CD86: variants seen among roughly 807,000 people sequenced by gnomAD.
The protein encoded by CD86 is CD86 molecule, also known as T-lymphocyte activation antigen CD86.
A neutral mutation model predicts 32.1 loss-of-function variants in CD86; 11 were observed. That is an observed-to-expected ratio of 0.34 (90% confidence interval 0.22 to 0.57). The LOEUF (loss-of-function observed/expected upper bound fraction) is 0.57. CD86 is among the 20% of genes least tolerant of loss of function. CD86 has a pLI of 0.86. For synonymous variants in CD86, 137 were observed against 135.3 expected (o/e 1.01, Z -0.09); for missense variants, 359 against 398.4 (o/e 0.90, Z 0.84).
intron 1 of CD86, among the ~76,000 whole-genome samples, chr3:122,075,679 T>A (rs1236680662): frequency 6.6e-6 from 1 of 152,140 alleles, no homozygotes; most frequent in Non-Finnish European, 1.5e-5. Context: ...CTAGCTAAGT[T>A]GGAGAATAAG....
At chr3:122,072,058 C>T (rs972250634) in intron 1 of CD86, among the ~76,000 whole-genome samples, 51 of 151,364 alleles carry the variant, frequency 3.4e-4, no homozygotes, top group Non-Finnish European at 6.5e-4. Flanking sequence ...AGGACATGAA[C>T]TCATCATTTT....
At chr3:122,112,078 C>T (rs1253025725) in intron 5 of CD86, among the ~76,000 whole-genome samples, 3 of 151,974 alleles carry the variant, frequency 2.0e-5, no homozygotes, top group Non-Finnish European at 4.4e-5. Context: ...CTGTCTTTTC[C>T]CAAACAGAAA....
chr3:122,118,609 A>G (rs893792695), intron 6 of CD86, among the ~76,000 whole-genome samples: 1 of 152,202 alleles, frequency 6.6e-6, no homozygotes, highest in African/African-American at 2.4e-5. Context: ...GAAAATGTCA[A>G]CTTGTTACAG....
At chr3:122,092,541 C>A (rs1022132058) in intron 2 of CD86, among the ~76,000 whole-genome samples, 19 of 152,190 alleles carry the variant, frequency 1.2e-4, no homozygotes, top group Non-Finnish European at 2.1e-4. Flanking sequence ...CCTCACAAAA[C>A]TCAGATCTTC....
chr3:122,081,293 T>A (rs2072630163), intron 1 of CD86, among the ~76,000 whole-genome samples: 1 of 152,198 alleles, frequency 6.6e-6, no homozygotes, highest in Admixed American at 6.5e-5. Flanking sequence ...AAACTGTTAT[T>A]TGATTGTGTC....
chr3:122,069,347 G>A (rs542506139), intron 1 of CD86, among the ~76,000 whole-genome samples: 207 of 152,220 alleles, frequency 1.4e-3, no homozygotes, highest in Middle Eastern at 3.4e-3. Context: ...GGTGTTATTG[G>A]AAAATGGGAA....
At chr3:122,101,507 AAAAAAAATATAT>A (rs1285238043) in intron 2 of CD86, among the ~76,000 whole-genome samples, 2,091 of 79,752 alleles carry the variant, frequency 0.026, 52 homozygotes, top group South Asian at 0.11. Flanking sequence ...AAAAAAAAAA[AAAAAAAATATAT>A]ATATATATAT....
At chr3:122,080,410 G>T (rs2072616021) in intron 1 of CD86, among the ~76,000 whole-genome samples, 2 of 152,124 alleles carry the variant, frequency 1.3e-5, no homozygotes, top group Admixed American at 1.3e-4. Context: ...ACACAGATTT[G>T]CTCTTGGGGG....
intron 1 of CD86, among the ~76,000 whole-genome samples, chr3:122,057,474 A>C (rs1282181495): frequency 1.3e-5 from 2 of 152,248 alleles, no homozygotes; most frequent in Non-Finnish European, 2.9e-5. Flanking sequence ...ATGCAGAACG[A>C]ACAGTGCTAT....
At chr3:122,067,535 T>C (rs2072432250) in intron 1 of CD86, among the ~76,000 whole-genome samples, 1 of 152,216 alleles carries the variant, frequency 6.6e-6, no homozygotes, top group South Asian at 2.1e-4. Flanking sequence ...CTTTTAAAAA[T>C]AATCTCTTTT....
chr3:122,071,672 A>G (rs935428783), intron 1 of CD86, among the ~76,000 whole-genome samples: 23 of 152,168 alleles, frequency 1.5e-4, no homozygotes, highest in Admixed American at 1.5e-3. Flanking sequence ...TTACTTTTTT[A>G]AGAAACTGCT....
chr3:122,113,980 G>A (rs1378465119), intron 5 of CD86, among the ~76,000 whole-genome samples: 1 of 152,140 alleles, frequency 6.6e-6, no homozygotes. Context: ...GCCAGGGGTG[G>A]TGGCTCACAC....
chr3:122,069,898 A>T (rs565278322), intron 1 of CD86, among the ~76,000 whole-genome samples: 1 of 152,196 alleles, frequency 6.6e-6, no homozygotes, highest in East Asian at 1.9e-4. Context: ...CATCCTTCTC[A>T]TCTTCCTCAT....
chr3:122,112,353 T>A (rs1418962001), intron 5 of CD86, among the ~76,000 whole-genome samples: 1 of 152,080 alleles, frequency 6.6e-6, no homozygotes, highest in Admixed American at 6.6e-5. Context: ...AGCCTCACTC[T>A]GTCACCAGGC....
chr3:122,095,581 G>A (rs1375875684), intron 2 of CD86, among the ~76,000 whole-genome samples: 2 of 152,102 alleles, frequency 1.3e-5, no homozygotes, highest in Non-Finnish European at 2.9e-5. Flanking sequence ...TGCGTGGGTG[G>A]TTACTTTTGA....
intron 1 of CD86, among the ~76,000 whole-genome samples, chr3:122,058,567 G>A (rs576682514): frequency 1.3e-5 from 2 of 152,188 alleles, no homozygotes; most frequent in African/African-American, 4.8e-5. Context: ...TAGACAAATG[G>A]GGTCTAGGTG....
chr3:122,098,283 A>G (rs931459342), intron 2 of CD86, among the ~76,000 whole-genome samples: 1 of 152,204 alleles, frequency 6.6e-6, no homozygotes, highest in African/African-American at 2.4e-5. Context: ...TCTCCCTGGG[A>G]GGTAGCATTT....
intron 1 of CD86, among the ~76,000 whole-genome samples, chr3:122,075,889 A>T (rs1235100156): frequency 6.6e-6 from 1 of 152,244 alleles, no homozygotes; most frequent in Non-Finnish European, 1.5e-5. Context: ...TACTATTGCC[A>T]GGATCTGTGC....
chr3:122,105,995 C>T (rs902248702), intron 3 of CD86, among the ~76,000 whole-genome samples: 8 of 152,120 alleles, frequency 5.3e-5, no homozygotes, highest in African/African-American at 1.9e-4. Context: ...AGGAAGTAAG[C>T]ATGGCTGCAA....
Sources: gnomAD v4.1 joint callset for allele counts (sites outside exome capture counted in the v4.1 genomes callset) on GRCh38, gnomAD v4.1.1 for gene constraint, MANE v1.5 for transcripts, NCBI Gene and HGNC (gene_info 2026-07-23, HGNC 2026-07-21) for gene names.